The following PRSS55 variants were observed in gnomAD, a reference collection of about 807,000 sequenced individuals.
The protein encoded by PRSS55 is probable serine protease UNQ9391/PRO34284.
Under a neutral mutation model 23.6 loss-of-function variants are expected in PRSS55, and 41 were observed. That is an observed-to-expected ratio of 1.74 (90% CI 1.35 to 2.26). The LOEUF (loss-of-function observed/expected upper bound fraction) is 2.26. PRSS55 is among the 30% of genes most tolerant of loss of function. The pLI, the probability that PRSS55 is intolerant of heterozygous loss-of-function variation, is 0.00. For missense variants in PRSS55, 669 were observed against 439.1 expected, an observed-to-expected ratio of 1.52 and a Z score of -4.68; for synonymous variants, 262 against 175.5, an observed-to-expected ratio of 1.49 and a Z score of -3.90.
chr8:10,528,956 T>C (rs534447808), intron 1 of PRSS55, among the ~76,000 whole-genome samples: 1 of 152,302 alleles, frequency 6.6e-6, no homozygotes, highest in African/African-American at 2.4e-5. Context: ...CTGCCTGACT[T>C]CCTGCTTCCC....
chr8:10,525,710 A>C lies in PRSS55; in HGVS notation c.125A>C (p.Gln42Pro). 7 of 1,612,062 alleles carry C rather than the reference A, an allele frequency of 4.3e-6. No homozygotes were observed. The highest frequency in any genetic ancestry group is 5.9e-6 in the Non-Finnish European group (7 of 1,179,182). The change falls in exon 1 of 5, where the codon CAG becomes CCG. Residue 42 changes from glutamine (Q) to proline (P), a missense_variant. Gln to Pro is a moderately conservative substitution (Grantham distance 76). Transcript: ENST00000328655. The stretch of plus-strand genomic sequence containing the variant: ...AGGGCTAGGGGAGCCCACCGCCCTC[A>C]GCCCCCTCATCCCCCCAGCCCAGTC... ...LGRARGAHRP[Q>P]PPHPPSPVSE...
Position 10,526,577 on chromosome 8 carries a change from G to A in PRSS55, c.154+838G>A, listed in dbSNP as rs140939605. ...TGATCGCTCAGATCACTTAGAAGCAGCCGTTTCTGCTTCCATCACTGCTTC... is the reference window on the plus strand; with the variant it reads ...TGATCGCTCAGATCACTTAGAAGCAACCGTTTCTGCTTCCATCACTGCTTC... On this transcript the variant is annotated intron_variant, in intron 1 of 4. Transcript: ENST00000328655. 6.8e-3 allele frequency among the ~76,000 whole-genome samples: 1,035 copies of A among 152,354 alleles called. 13 individuals are homozygous for A. Among genetic ancestry groups the A allele is most frequent in the African/African-American group, 0.024 (985 of 41,582 alleles).
chr8:10,548,393 C>T (rs1003442630), intron 4 of PRSS55, among the ~76,000 whole-genome samples: 7 of 152,126 alleles, frequency 4.6e-5, no homozygotes, highest in Non-Finnish European at 1.0e-4. Flanking sequence ...TGGCTGGAGC[C>T]TTCCAGGAGA....
At chr8:10,527,989 G>A (rs568206074) in intron 1 of PRSS55, among the ~76,000 whole-genome samples, 1 of 152,308 alleles carries the variant, frequency 6.6e-6, no homozygotes, top group South Asian at 2.1e-4. Context: ...GAGGCGGGCA[G>A]ATCATCTGAG....
rs73662862 is a variant in PRSS55 at position 10,551,164 on chromosome 8, C to A, written c.742-2779C>A. Among the ~76,000 whole-genome samples, 1,195 of 152,290 alleles carry A rather than the reference C, an allele frequency of 7.8e-3. 15 individuals carry two copies. The highest frequency in any genetic ancestry group is 0.025 in the African/African-American group (1,051 of 41,542). ...TCCTTTAAAAGCTGTCTGTGCTCAA[C>A]AAGCAATAAAGGTCGTGCTTCATGG... On this transcript the variant is annotated intron_variant, in intron 4 of 4. Coordinates refer to the PRSS55 transcript ENST00000522210.
intron 4 of PRSS55, among the ~76,000 whole-genome samples, chr8:10,544,194 A>G (rs555585894): frequency 3.9e-5 from 6 of 152,154 alleles, no homozygotes; most frequent in African/African-American, 1.4e-4. Flanking sequence ...CAATATTTGA[A>G]TGTTCTATTG....
chr8:10,528,169 A>T (rs1417816100), intron 1 of PRSS55, among the ~76,000 whole-genome samples: 1 of 150,688 alleles, frequency 6.6e-6, no homozygotes, highest in African/African-American at 2.4e-5. Flanking sequence ...ACTGCACTCC[A>T]GCCTGGGCGA....
intron 3 of PRSS55, among the ~76,000 whole-genome samples, chr8:10,532,632 G>C (rs907935500): frequency 6.6e-6 from 1 of 152,252 alleles, no homozygotes; most frequent in Non-Finnish European, 1.5e-5. Context: ...AAGAAGCTGA[G>C]TCTGTGGGGC....
Position 10,528,041 on chromosome 8 carries a change from C to G in PRSS55, c.155-1466C>G, listed in dbSNP as rs576510598. On this transcript the variant is annotated intron_variant, in intron 1 of 4. Transcript: ENST00000328655. ...CAGCCTGACCAACATACAGTGAAAC[C>G]CTGTCTCTACTAAAAAATACAAAAA... Among the ~76,000 whole-genome samples, 7 of 152,114 alleles carry G rather than the reference C, an allele frequency of 4.6e-5. No individual in the cohort carries two copies. The South Asian group carries it at 1.5e-3, about 32-fold the overall frequency.
intron 4 of PRSS55, among the ~76,000 whole-genome samples, chr8:10,536,914 C>G (rs1812475556): frequency 6.6e-6 from 1 of 152,192 alleles, no homozygotes; most frequent in Non-Finnish European, 1.5e-5. Flanking sequence ...TACTACCCAT[C>G]AGATACTCTG....
chr8:10,531,428 C>G lies in PRSS55; in HGVS notation c.481C>G (p.Leu161Val). 6.2e-7 allele frequency: 1 copy of G among 1,614,234 alleles called. No homozygotes were observed. Among genetic ancestry groups the G allele is most frequent in the East Asian group, 2.2e-5 (1 of 44,884 alleles). ...CATGGACAATGACATTGCCTTGCTG[C>G]TGCTGGCTTCGCCCATCAAGCTCGA... ...ANMDNDIALL[L>V]LASPIKLDDL... The change falls in exon 3 of 5, where the codon CTG (leucine) becomes GTG (valine). Residue 161 changes from leucine (L) to valine (V), a missense_variant. Leu to Val is a conservative substitution (Grantham distance 32). Coordinates refer to ENST00000328655, the MANE Select transcript of PRSS55 (RefSeq NM_198464.4).
downstream of PRSS55, among the ~76,000 whole-genome samples, chr8:10,543,284 G>A (rs991945097): frequency 2.6e-5 from 4 of 152,058 alleles, no homozygotes; most frequent in African/African-American, 9.7e-5. Context: ...GAGCTTCTGG[G>A]GGCCCCATGC....
chr8:10,551,391 C>T (rs1812947412), intron 4 of PRSS55, among the ~76,000 whole-genome samples: 1 of 152,168 alleles, frequency 6.6e-6, no homozygotes, highest in Non-Finnish European at 1.5e-5. Flanking sequence ...TTTCTTTGTG[C>T]TGGGAAACAC....
intron 2 of PRSS55, 49 bp downstream of exon 2, chr8:10,529,748 G>T (rs1269454089): frequency 6.4e-7 from 1 of 1,556,486 alleles, no homozygotes; most frequent in Non-Finnish European, 8.8e-7. Context: ...GCCCACCCCT[G>T]GGGCACCCTC....
intron 4 of PRSS55, 54 bp from the exon 5 acceptor site, chr8:10,538,422 C>A (rs1317913729): frequency 7.3e-7 from 1 of 1,378,316 alleles, no homozygotes; most frequent in African/African-American, 1.4e-5. Context: ...TGCCCAGCCT[C>A]AGATGGGCAG....
downstream of PRSS55, among the ~76,000 whole-genome samples, chr8:10,543,258 G>A (rs918228564): frequency 6.6e-6 from 1 of 152,020 alleles, no homozygotes; most frequent in Non-Finnish European, 1.5e-5. Flanking sequence ...ACTGACCCTT[G>A]GAGAATGTAA....
intron 4 of PRSS55, among the ~76,000 whole-genome samples, chr8:10,536,741 A>G (rs1315904638): frequency 1.3e-5 from 2 of 152,360 alleles, no homozygotes; most frequent in Non-Finnish European, 2.9e-5. Flanking sequence ...AGAGGCCATT[A>G]TTCTAAGTGA....
In PRSS55 at chr8:10,525,969, G is replaced by A. The variant is rs920316167; in HGVS notation, c.154+230G>A. On this transcript the variant is annotated intron_variant, in intron 1 of 4. Transcript: ENST00000328655. ...TTTATCCTCAGAGGAATAGCAGGCTGCCCTGAAGCTCTTGCCTAGAACTAG... is the reference window on the plus strand; with the variant it reads ...TTTATCCTCAGAGGAATAGCAGGCTACCCTGAAGCTCTTGCCTAGAACTAG... Among the ~76,000 whole-genome samples the A allele has an allele frequency of 5.3e-5, 8 of 152,198 alleles. No homozygotes were observed. In the South Asian group the frequency reaches 1.7e-3, roughly 32 times the overall value.
chr8:10,540,198 G>A (rs1424466034), downstream of PRSS55: 1 of 152,312 alleles, frequency 6.6e-6, no homozygotes, highest in Admixed American at 6.5e-5. Flanking sequence ...GCTGGTGTGG[G>A]GCGGACCACA....
Sources: allele counts gnomAD v4.1 joint callset (sites outside exome capture counted in the v4.1 genomes callset), GRCh38; gene constraint gnomAD v4.1.1; transcripts MANE v1.5; gene names NCBI Gene and HGNC (gene_info 2026-07-23, HGNC 2026-07-21).